ATG13: variants seen among roughly 807,000 people sequenced by gnomAD.
ATG13 encodes the protein autophagy related 13, also known as autophagy-related protein 13.
In ATG13, 23 loss-of-function variants were observed where a neutral mutation model predicts 65.5. That is an observed-to-expected ratio of 0.35 (90% CI 0.25 to 0.50). ATG13 has a LOEUF of 0.50. ATG13 is among the 20% of genes least tolerant of loss of function. The pLI is 0.98. For synonymous variants in ATG13, 252 were observed against 245.2 expected (o/e 1.03, Z -0.26); for missense variants, 566 against 677.0 (o/e 0.84, Z 1.82).
At chr11:46,661,139 C>T (rs993523106) in intron 11 of ATG13, among the ~76,000 whole-genome samples, 3 of 152,186 alleles carry the variant, frequency 2.0e-5, no homozygotes, top group African/African-American at 7.2e-5. Flanking sequence ...CATCCTCCCA[C>T]CTCAGTCTCC....
At chr11:46,670,498 G>T (rs4485065) in intron 18 of ATG13, among the ~76,000 whole-genome samples, 1 of 127,052 alleles carries the variant, frequency 7.9e-6, no homozygotes, top group East Asian at 2.1e-4. Flanking sequence ...AAAAAAAAAA[G>T]TAATAATTAC....
chr11:46,631,089 T>C (rs2051559008), intron 2 of ATG13: 1 of 152,222 alleles, frequency 6.6e-6, no homozygotes, highest in South Asian at 2.1e-4. Flanking sequence ...GTTTTATTTA[T>C]AGCTTTTTTA....
intron 3 of ATG13, among the ~76,000 whole-genome samples, chr11:46,644,680 A>G (rs111743805): frequency 3.9e-5 from 6 of 152,156 alleles, no homozygotes; most frequent in African/African-American, 7.2e-5. Flanking sequence ...AACAAAGACC[A>G]TCAGCTGGAA....
chr11:46,642,428 C>T (rs1201312111), intron 2 of ATG13, among the ~76,000 whole-genome samples: 1 of 150,936 alleles, frequency 6.6e-6, no homozygotes, highest in Non-Finnish European at 1.5e-5. Context: ...GCCTCAGCCT[C>T]CCAAGTAGCT....
chr11:46,661,669 CA>C (rs1400683662), intron 11 of ATG13, among the ~76,000 whole-genome samples: 1 of 151,684 alleles, frequency 6.6e-6, no homozygotes, highest in Non-Finnish European at 1.5e-5. Flanking sequence ...CTGTCTCTAC[CA>C]AAAATAAAAA....
chr11:46,625,980 G>C (rs1210582176), intron 1 of ATG13, among the ~76,000 whole-genome samples: 1 of 152,028 alleles, frequency 6.6e-6, no homozygotes, highest in Non-Finnish European at 1.5e-5. Flanking sequence ...GTTTGTTTTT[G>C]AGACGGAGTC....
At position 46,617,860 on chromosome 11, in the gene ATG13, C is replaced by T; in HGVS notation, c.-100C>T. ...GGTCCCGGCCTCCGTAATGAGAGCCCGGAACCACTCTTTGTGCCGCAGCTT... is the reference window on the plus strand; with the variant it reads ...GGTCCCGGCCTCCGTAATGAGAGCCTGGAACCACTCTTTGTGCCGCAGCTT... On this transcript the variant is annotated 5_prime_UTR_variant, in exon 1 of 19. Coordinates refer to ENST00000683050, the MANE Select transcript of ATG13 (RefSeq NM_001346311.2). 1 of 399,160 alleles carries T rather than the reference C, an allele frequency of 2.5e-6. No individual in the cohort carries two copies. The highest frequency in any genetic ancestry group is 4.4e-6 in the Non-Finnish European group (1 of 226,148). The allele number at this position is 399,160 out of a possible 1,614,324, so 24.7% of individuals were successfully genotyped here. A position where few individuals can be genotyped will look rare whatever the true frequency, so the allele number is the denominator to read the frequency against.
intron 7 of ATG13, among the ~76,000 whole-genome samples, chr11:46,653,652 C>T (rs1295902446): frequency 6.6e-6 from 1 of 151,830 alleles, no homozygotes; most frequent in African/African-American, 2.4e-5. Context: ...TCACTGCAAG[C>T]TCCGCCTCCC....
In ATG13 at chr11:46,645,404, A is replaced by C. The variant is rs148226802; in HGVS notation, c.135A>C (p.Pro45=). Reference sequence around the variant, plus strand: ...TTTGCACTCGTTCATCATCTTCTCCAACGGGTTCAGATTGGGTAAAATTCT... The same window carrying C: ...TTTGCACTCGTTCATCATCTTCTCCCACGGGTTCAGATTGGGTAAAATTCT... ...EKICTRSSSS[P]TGSDWFNLAI... Residue 45 remains proline, a synonymous_variant, in exon 4 of 19, where the codon CCA becomes CCC. Transcript: ENST00000683050. The C allele has an allele frequency of 1.1e-4, 172 of 1,613,748 alleles. No individual in the cohort carries two copies. In the African/African-American group the frequency reaches 2.0e-3, roughly 19 times the overall value.
chr11:46,645,342 G>A lies in ATG13; in HGVS notation c.73G>A (p.Val25Ile). 6.2e-7 allele frequency: 1 copy of A among 1,611,408 alleles called. No homozygotes were observed. Among genetic ancestry groups the A allele is most frequent in the Non-Finnish European group, 8.5e-7 (1 of 1,178,722 alleles). Residue 25 changes from valine (V) to isoleucine (I), a missense_variant, in exon 4 of 19, where the codon GTC becomes ATC. By Grantham distance (29) the Val-to-Ile change is conservative (BLOSUM62 3). This residue lies in a region of ATG13 where 179 missense variants were observed against 267.2 expected (regional missense o/e 0.67). Transcript: ENST00000683050. The stretch of plus-strand genomic sequence containing the variant: ...TTTGTGTTTTTTTTTTCTTTAGACT[G>A]TCCAAGTGATTGTCCAGGCTCGGCT... The part of the protein sequence containing the change: ...KFIKFFALKT[V>I]QVIVQARLGE...
At chr11:46,672,160 C>G in intron 18 of ATG13, 95 bp from the exon 19 acceptor site, 3 of 1,585,594 alleles carry the variant, frequency 1.9e-6, no homozygotes, top group Middle Eastern at 3.6e-4. Flanking sequence ...GGCTGAGCTT[C>G]GTCTTGCTTG....
intron 14 of ATG13, among the ~76,000 whole-genome samples, chr11:46,667,108 T>G (rs894209010): frequency 1.3e-5 from 2 of 152,190 alleles, no homozygotes; most frequent in Admixed American, 6.5e-5. Context: ...AATTCTTAAA[T>G]GGAGGTCATA....
At position 46,656,164 on chromosome 11, in the gene ATG13, G is replaced by A. The variant is rs532046790; in HGVS notation, c.459-69G>A. 12 of 1,370,744 alleles carry A rather than the reference G, an allele frequency of 8.8e-6. No individual in the cohort carries two copies. In the African/African-American group the frequency reaches 1.3e-4, roughly 15 times the overall value. 84.9% of individuals were successfully genotyped at this position (1,370,744 alleles called of 1,614,324 possible). A position where few individuals can be genotyped will look rare whatever the true frequency, so the allele number is the denominator to read the frequency against. On this transcript the variant is annotated intron_variant, in intron 7 of 18. Transcript: ENST00000683050. ...AGGCTTTGTTTTATTTTGTTTCTAC[G>A]TGTTTTGGCTATAGAGGCCCTTAGG...
chr11:46,623,856 ATTAC>A (rs1286407162), intron 1 of ATG13, among the ~76,000 whole-genome samples: 1 of 151,090 alleles, frequency 6.6e-6, no homozygotes, highest in Non-Finnish European at 1.5e-5. Flanking sequence ...TCTTTACCAC[ATTAC>A]TTTCTTTCTC....
intron 2 of ATG13, among the ~76,000 whole-genome samples, chr11:46,643,521 C>G (rs891526423): frequency 6.6e-6 from 1 of 151,922 alleles, no homozygotes; most frequent in African/African-American, 2.4e-5. Context: ...CTAATTTGCT[C>G]TGTATTGTTT....
chr11:46,658,213 CCAGGTCTAGAACT>C (rs1347255401), intron 10 of ATG13, among the ~76,000 whole-genome samples: 1 of 152,154 alleles, frequency 6.6e-6, no homozygotes, highest in Non-Finnish European at 1.5e-5. Context: ...TAAAATGTCT[CCAGGTCTAGAACT>C]CAGAAAACAG....
In ATG13 at chr11:46,617,873, T is replaced by C. The variant is rs1034759887; in HGVS notation, c.-87T>C. The C allele has an allele frequency of 1.3e-4, 52 of 399,008 alleles. No homozygotes were observed. Among genetic ancestry groups the C allele is most frequent in the Non-Finnish European group, 2.1e-4 (47 of 226,096 alleles). 24.7% of individuals were successfully genotyped at this position (399,008 alleles called of 1,614,324 possible). A position where few individuals can be genotyped will look rare whatever the true frequency, so the allele number is the denominator to read the frequency against. ...GTAATGAGAGCCCGGAACCACTCTTTGTGCCGCAGCTTCGCAGGTACTAAC... is the reference window on the plus strand; with the variant it reads ...GTAATGAGAGCCCGGAACCACTCTTCGTGCCGCAGCTTCGCAGGTACTAAC... On this transcript the variant is annotated 5_prime_UTR_variant, in exon 1 of 19. Coordinates refer to ENST00000683050, the MANE Select transcript of ATG13 (RefSeq NM_001346311.2).
At position 46,650,064 on chromosome 11, in the gene ATG13, A is replaced by G; in HGVS notation, c.318-113A>G. On this transcript the variant is annotated intron_variant, in intron 6 of 18. Coordinates refer to ENST00000683050, the MANE Select transcript of ATG13 (RefSeq NM_001346311.2). ...GGCTTACCTCAGTAATCTGTTGATA[A>G]AGGTGTAATTAGAGTTCTCTGGTTA... The G allele has an allele frequency of 5.1e-6, 6 of 1,173,522 alleles. No individual in the cohort carries two copies. In the South Asian group the frequency reaches 9.2e-5, roughly 18 times the overall value. The allele number at this position is 1,173,522 out of a possible 1,614,324, so 72.7% of individuals were successfully genotyped here.
rs1350525756 is a variant in ATG13 at position 46,661,305 on chromosome 11, C to T, written c.789+1820C>T. Among the ~76,000 whole-genome samples, 3 of 151,996 alleles carry T rather than the reference C, an allele frequency of 2.0e-5. No homozygotes were observed. The East Asian group carries it at 5.8e-4, about 29-fold the overall frequency. Reference sequence around the variant, plus strand: ...GGCCAGGGCAGGCAAATCATGAGGTCAGGAGTTTGAGACCAGCCTGGCCAA... The same window carrying T: ...GGCCAGGGCAGGCAAATCATGAGGTTAGGAGTTTGAGACCAGCCTGGCCAA... On this transcript the variant is annotated intron_variant, in intron 11 of 18. Transcript: ENST00000683050.
Sources: allele counts gnomAD v4.1 joint callset (sites outside exome capture counted in the v4.1 genomes callset), GRCh38; gene constraint gnomAD v4.1.1; regional missense constraint gnomAD v4.1.1; transcripts MANE v1.5; gene names NCBI Gene and HGNC (gene_info 2026-07-23, HGNC 2026-07-21).